The following DKK2 variants were observed in gnomAD, a reference collection of about 807,000 sequenced individuals.
DKK2 encodes dickkopf Wnt signaling pathway inhibitor 2.
Under a neutral mutation model 28.1 loss-of-function variants are expected in DKK2, and 11 were observed. The observed-to-expected ratio is 0.39, with a 90% CI of 0.25 to 0.65. The LOEUF (loss-of-function observed/expected upper bound fraction) is 0.65, where lower values mean the gene tolerates loss of function less well. Ranked by LOEUF, DKK2 falls within the 30% of genes least tolerant of loss-of-function variation. DKK2 has a pLI of 0.47. For synonymous variants in DKK2, 135 were observed against 126.5 expected, an observed-to-expected ratio of 1.07 and a Z score of -0.45; for missense variants, 326 against 335.5, an observed-to-expected ratio of 0.97 and a Z score of 0.22.
chr4:106,975,813 T>C (rs1722937106), intron 1 of DKK2, among the ~76,000 whole-genome samples: 1 of 152,216 alleles, frequency 6.6e-6, no homozygotes, highest in Non-Finnish European at 1.5e-5. Flanking sequence ...GCTTCTCTAA[T>C]TCTTTTAATT....
chr4:106,986,120 A>G (rs1723116523), intron 1 of DKK2, among the ~76,000 whole-genome samples: 1 of 152,170 alleles, frequency 6.6e-6, no homozygotes, highest in South Asian at 2.1e-4. Context: ...ATAAAATGGC[A>G]CAATTTTAAA....
chr4:107,011,377 A>G (rs988601571), intron 1 of DKK2, among the ~76,000 whole-genome samples: 1 of 151,514 alleles, frequency 6.6e-6, no homozygotes, highest in African/African-American at 2.4e-5. Flanking sequence ...TTATGAGTTG[A>G]TTTTCCTAAA....
intron 1 of DKK2, among the ~76,000 whole-genome samples, chr4:106,946,716 T>C (rs1724781748): frequency 6.6e-6 from 1 of 151,908 alleles, no homozygotes; most frequent in African/African-American, 2.4e-5. Flanking sequence ...AATCAACCTC[T>C]GATGCGGTTG....
At chr4:106,963,351 TA>T (rs34068030) in intron 1 of DKK2, among the ~76,000 whole-genome samples, 201 of 137,790 alleles carry the variant, frequency 1.5e-3, no homozygotes, top group Middle Eastern at 3.8e-3. Flanking sequence ...AGACTCTGTC[TA>T]AAAAAAAAAA....
chr4:106,966,948 C>A (rs1206462298), intron 1 of DKK2, among the ~76,000 whole-genome samples: 5 of 152,070 alleles, frequency 3.3e-5, no homozygotes, highest in African/African-American at 1.2e-4. Context: ...GGGGACACAG[C>A]CAAACCATAT....
At position 107,025,957 on chromosome 4, in the gene DKK2, A is replaced by T. The variant is rs370112075; in HGVS notation, c.222+9413T>A. 9.8e-5 allele frequency among the ~76,000 whole-genome samples: 15 copies of T among 152,338 alleles called. No homozygotes were observed. The East Asian group carries it at 1.7e-3, about 18-fold the overall frequency. ...GAAAGCATTGCTTCTGATTATTTGA[A>T]ATGTTTATATTAGAAGTCAGAGGAT... On this transcript the variant is annotated intron_variant, in intron 1 of 3. Transcript: ENST00000285311.
chr4:106,995,615 T>C (rs1723259994), intron 1 of DKK2, among the ~76,000 whole-genome samples: 1 of 152,116 alleles, frequency 6.6e-6, no homozygotes, highest in Non-Finnish European at 1.5e-5. Context: ...TGTGTATTTA[T>C]TTATTTATTT....
chr4:106,930,586 A>G (rs1724487300), intron 1 of DKK2, among the ~76,000 whole-genome samples: 1 of 152,188 alleles, frequency 6.6e-6, no homozygotes, highest in South Asian at 2.1e-4. Context: ...GAAGAGAGAA[A>G]CATCACAGTG....
chr4:107,015,022 G>A (rs1195143099), intron 1 of DKK2, among the ~76,000 whole-genome samples: 1 of 151,516 alleles, frequency 6.6e-6, no homozygotes, highest in Non-Finnish European at 1.5e-5. Flanking sequence ...ATGACAAGCA[G>A]TGGTTCTATG....
intron 2 of DKK2, 139 bp downstream of exon 2, chr4:106,925,660 A>C: frequency 8.9e-7 from 1 of 1,126,038 alleles, no homozygotes; most frequent in Non-Finnish European, 1.2e-6. Context: ...AATCCAGGTA[A>C]TCTTACACTA....
chr4:106,986,088 G>A (rs920720543), intron 1 of DKK2, among the ~76,000 whole-genome samples: 2 of 152,144 alleles, frequency 1.3e-5, no homozygotes, highest in African/African-American at 2.4e-5. Context: ...AATGCCCACA[G>A]TGTGCTGCAC....
chr4:107,030,320 T>C lies in DKK2; in HGVS notation c.222+5050A>G, dbSNP rs531319995. Among the ~76,000 whole-genome samples the C allele has an allele frequency of 3.3e-5, 5 of 152,188 alleles. No homozygotes were observed. The East Asian group carries it at 7.7e-4, about 23-fold the overall frequency. ...ACAGAGGAGGAACAGAAAATTGACC[T>C]TTGCTTACCTTAAATAGTAATACTA... On this transcript the variant is annotated intron_variant, in intron 1 of 3. Transcript: ENST00000285311.
chr4:106,929,667 A>G (rs1465228461), intron 1 of DKK2, among the ~76,000 whole-genome samples: 1 of 152,224 alleles, frequency 6.6e-6, no homozygotes, highest in Non-Finnish European at 1.5e-5. Flanking sequence ...TATTACAACC[A>G]TGACATGAAC....
intron 1 of DKK2, among the ~76,000 whole-genome samples, chr4:106,982,289 A>G (rs907097736): frequency 6.6e-6 from 1 of 152,170 alleles, no homozygotes; most frequent in Non-Finnish European, 1.5e-5. Context: ...AAGGAAAGAG[A>G]TAAGGAGAGA....
chr4:107,030,465 T>G (rs1188787068), intron 1 of DKK2, among the ~76,000 whole-genome samples: 1 of 152,022 alleles, frequency 6.6e-6, no homozygotes, highest in African/African-American at 2.4e-5. Flanking sequence ...GCTTTTGGAC[T>G]GTTAAAAAAA....
chr4:106,949,933 T>C (rs1018691959), intron 1 of DKK2, among the ~76,000 whole-genome samples: 1 of 152,112 alleles, frequency 6.6e-6, no homozygotes, highest in Non-Finnish European at 1.5e-5. Context: ...ATTAAAAAAA[T>C]TATAATAATA....
chr4:106,931,158 G>T (rs886170706), intron 1 of DKK2, among the ~76,000 whole-genome samples: 36 of 152,068 alleles, frequency 2.4e-4, no homozygotes, highest in African/African-American at 7.5e-4. Flanking sequence ...ACCTCTAGGG[G>T]ATAAGGGTGT....
chr4:106,993,809 G>A (rs536308723), intron 1 of DKK2, among the ~76,000 whole-genome samples: 9 of 152,234 alleles, frequency 5.9e-5, no homozygotes, highest in South Asian at 4.1e-4. Context: ...TCCAGTGGTC[G>A]GAAGCTGCGG....
intron 1 of DKK2, among the ~76,000 whole-genome samples, chr4:106,973,671 C>T (rs991716963): frequency 6.6e-6 from 1 of 152,060 alleles, no homozygotes; most frequent in Non-Finnish European, 1.5e-5. Flanking sequence ...AAATTTTCTC[C>T]CATACTATAG....
Sources: gnomAD v4.1 joint callset for allele counts (sites outside exome capture counted in the v4.1 genomes callset) on GRCh38, gnomAD v4.1.1 for gene constraint, MANE v1.5 for transcripts, NCBI Gene and HGNC (gene_info 2026-07-23, HGNC 2026-07-21) for gene names.